Variants in IRS1 observed in about 807,000 individuals in gnomAD.
The protein encoded by IRS1 is insulin receptor substrate 1.
In IRS1, 34 loss-of-function variants were observed where a neutral mutation model predicts 65.6. That is an observed-to-expected ratio of 0.52 (90% CI 0.39 to 0.69). The LOEUF is 0.69. Ranked by LOEUF, IRS1 falls within the 30% of genes least tolerant of loss-of-function variation. The pLI, the probability that IRS1 is intolerant of heterozygous loss-of-function variation, is 0.00. For missense variants in IRS1, 1,641 were observed against 1,720.2 expected (o/e 0.95, Z 0.81); for synonymous variants, 699 against 683.5 (o/e 1.02, Z -0.35).
At chr2:226,738,378 G>C (rs1938370923) in intron 1 of IRS1, among the ~76,000 whole-genome samples, 1 of 152,070 alleles carries the variant, frequency 6.6e-6, no homozygotes, top group Admixed American at 6.5e-5. Flanking sequence ...ATTACGCAAT[G>C]GTTTTCTGAT....
At position 226,784,044 on chromosome 2, in the gene IRS1, A is replaced by G. The variant is rs532228300; in HGVS notation, c.*21+10945T>C. On this transcript the variant is annotated intron_variant, in intron 1 of 1. Transcript: ENST00000305123. Reference sequence around the variant, plus strand: ...CAACTAGCCCCCAGTCAATCCTCCAACTGACTGAACCACTGCATTCACCCT... The same window carrying G: ...CAACTAGCCCCCAGTCAATCCTCCAGCTGACTGAACCACTGCATTCACCCT... Among the ~76,000 whole-genome samples, 6 of 151,996 alleles carry G rather than the reference A, an allele frequency of 3.9e-5. No individual in the cohort carries two copies. In the East Asian group the frequency reaches 1.2e-3, roughly 30 times the overall value.
At chr2:226,777,164 C>T (rs73992211) in intron 1 of IRS1, among the ~76,000 whole-genome samples, 12,197 of 152,150 alleles carry the variant, frequency 0.08, 832 homozygotes, top group African/African-American at 0.19. Flanking sequence ...CTTTAGTTAA[C>T]AATAATGTGT....
intron 1 of IRS1, among the ~76,000 whole-genome samples, chr2:226,793,342 C>G (rs764332660): frequency 1.1e-4 from 16 of 152,164 alleles, no homozygotes; most frequent in Non-Finnish European, 2.2e-4. Context: ...CTTTATAATA[C>G]AAATGCTTAA....
At chr2:226,749,074 A>T (rs956733528) in intron 1 of IRS1, among the ~76,000 whole-genome samples, 1 of 152,218 alleles carries the variant, frequency 6.6e-6, no homozygotes, top group African/African-American at 2.4e-5. Context: ...GGGAGCCACA[A>T]AATTTCACCT....
rs104893642 is a variant in IRS1, at chr2:226,796,916, G to C, written c.1823C>G (p.Thr608Arg). The C allele has an allele frequency of 3.9e-6, 6 of 1,545,472 alleles. No individual in the cohort carries two copies. In the African/African-American group the frequency reaches 6.8e-5, roughly 18 times the overall value. ...HHRPDSSTLH[T>R]DDGYMPMSPG... ...GGACATGGGCATGTAGCCATCATCCGTGTGGAGGGTGGAGCTGTCTGGGCG... is the reference window on the plus strand; with the variant it reads ...GGACATGGGCATGTAGCCATCATCCCTGTGGAGGGTGGAGCTGTCTGGGCG... Residue 608 changes from threonine to arginine, a missense_variant, in exon 1 of 2, where the codon ACG (threonine) becomes AGG (arginine). Coordinates refer to ENST00000305123, the MANE Select transcript of IRS1 (RefSeq NM_005544.3).
At chr2:226,764,581 A>C (rs1938991378) in intron 1 of IRS1, among the ~76,000 whole-genome samples, 2 of 152,220 alleles carry the variant, frequency 1.3e-5, no homozygotes, top group African/African-American at 4.8e-5. Flanking sequence ...GAGACTTTTA[A>C]AATTGTCATG....
chr2:226,747,034 CCTGCCTCTG>C (rs1282751743), intron 1 of IRS1, among the ~76,000 whole-genome samples: 2 of 152,010 alleles, frequency 1.3e-5, no homozygotes, highest in African/African-American at 4.8e-5. Flanking sequence ...AGGTGATCCA[CCTGCCTCTG>C]CCTCCCAAAG....
At chr2:226,766,833 T>C (rs1225384807) in intron 1 of IRS1, among the ~76,000 whole-genome samples, 1 of 152,154 alleles carries the variant, frequency 6.6e-6, no homozygotes, top group Admixed American at 6.5e-5. Flanking sequence ...CACCATTCCA[T>C]ATGGTAGGAT....
At chr2:226,770,011 G>GAAA (rs35168801) in intron 1 of IRS1, among the ~76,000 whole-genome samples, 2 of 150,328 alleles carry the variant, frequency 1.3e-5, no homozygotes, top group African/African-American at 4.9e-5. Context: ...ATAGGAGGTT[G>GAAA]AAAAAAAAAG....
intron 1 of IRS1, among the ~76,000 whole-genome samples, chr2:226,765,466 C>G (rs760908770): frequency 5.3e-5 from 8 of 152,186 alleles, no homozygotes; most frequent in Non-Finnish European, 7.4e-5. Context: ...GCCAGGAAGA[C>G]TTTTTATCGG....
chr2:226,752,602 T>TA (rs1265714596), intron 1 of IRS1, among the ~76,000 whole-genome samples: 1 of 152,236 alleles, frequency 6.6e-6, no homozygotes, highest in Non-Finnish European at 1.5e-5. Flanking sequence ...TGGCCAGAGA[T>TA]ACTTCCCAAG....
Position 226,799,393 on chromosome 2 carries a change from C to T in IRS1, c.-655G>A, listed in dbSNP as rs1574668716. The T allele has an allele frequency of 7.9e-7, 1 of 1,264,526 alleles. No homozygotes were observed. 78.3% of individuals were successfully genotyped at this position (1,264,526 alleles called of 1,614,324 possible). ...CTGCTGCTGCTGCTGCTGCTGCTGC[C>T]GCCGCCCGCGGGCGCGTCCTCTGCA... On this transcript the variant is annotated 5_prime_UTR_variant, in exon 1 of 2. Transcript: ENST00000305123. This position sits in a 1 kb window ranked among gnomAD's most constrained non-coding sequence, Gnocchi z 6.1.
In IRS1 at chr2:226,797,850, C is replaced by T. The variant is rs1389712816; in HGVS notation, c.889G>A (p.Val297Met). 6.3e-7 allele frequency: 1 copy of T among 1,599,804 alleles called. No individual in the cohort carries two copies. The highest frequency in any genetic ancestry group is 8.5e-7 in the Non-Finnish European group (1 of 1,175,022). The change falls in exon 1 of 2, where the codon GTG (valine) becomes ATG (methionine). Residue 297 changes from valine to methionine, a missense_variant. Physicochemically the swap from Val to Met is conservative, Grantham distance 21. This residue lies in a region of IRS1 where 1,324 missense variants were observed against 1,361.0 expected (regional missense o/e 0.97). Transcript: ENST00000305123. This position sits in a 1 kb window ranked among gnomAD's most constrained non-coding sequence, Gnocchi z 8.1. ...GTGCGTGATCGGCGGGTCAGCCCCACCTGGCTGGGCGGGGGATTGTTGAGA... is the reference window on the plus strand; with the variant it reads ...GTGCGTGATCGGCGGGTCAGCCCCATCTGGCTGGGCGGGGGATTGTTGAGA... Reference protein sequence around the residue: ...HHLNNPPPSQVGLTRRSRTES... With the variant: ...HHLNNPPPSQMGLTRRSRTES...
chr2:226,751,148 T>A (rs1364684385), intron 1 of IRS1, among the ~76,000 whole-genome samples: 1 of 152,028 alleles, frequency 6.6e-6, no homozygotes, highest in African/African-American at 2.4e-5. Context: ...CTAGAAGAGT[T>A]AACTAGAGAA....
chr2:226,782,116 A>AG (rs1262634027), intron 1 of IRS1, among the ~76,000 whole-genome samples: 5 of 152,038 alleles, frequency 3.3e-5, no homozygotes, highest in Admixed American at 3.3e-4. Flanking sequence ...GGAATTGGGA[A>AG]GGGGGGCAGA....
intron 1 of IRS1, among the ~76,000 whole-genome samples, chr2:226,760,098 C>T (rs1938885604): frequency 1.3e-5 from 2 of 152,060 alleles, no homozygotes; most frequent in African/African-American, 4.8e-5. Context: ...ATCGCTTAAG[C>T]CCAGGAGGTT....
At chr2:226,745,916 G>GA (rs1180960901) in intron 1 of IRS1, among the ~76,000 whole-genome samples, 1 of 152,152 alleles carries the variant, frequency 6.6e-6, no homozygotes, top group African/African-American at 2.4e-5. Flanking sequence ...GGAGGAAGGG[G>GA]AAAATGCCAG....
intron 1 of IRS1, among the ~76,000 whole-genome samples, chr2:226,769,878 G>A (rs948455343): frequency 2.0e-5 from 3 of 152,020 alleles, no homozygotes; most frequent in Admixed American, 1.3e-4. Context: ...GCCATTGATC[G>A]CCTTACTGCC....
rs184524314 is a variant in IRS1, at chr2:226,782,843, A to T, written c.*21+12146T>A. 1.7e-3 allele frequency among the ~76,000 whole-genome samples: 257 copies of T among 152,314 alleles called. 1 individual carries two copies. Among genetic ancestry groups the T allele is most frequent in the Non-Finnish European group, 3.2e-3 (217 of 68,040 alleles). ...TGGTGAAACCCCGTCTCTACTAAAA[A>T]TACAAAAATTAGCCTGGCATGGTGG... On this transcript the variant is annotated intron_variant, in intron 1 of 1. Coordinates refer to ENST00000305123, the MANE Select transcript of IRS1 (RefSeq NM_005544.3).
Sources: gnomAD v4.1 joint callset for allele counts (sites outside exome capture counted in the v4.1 genomes callset) on GRCh38, gnomAD v4.1.1 for gene constraint, gnomAD v4.1.1 regional missense constraint, Gnocchi (gnomAD v3.1) non-coding constraint, MANE v1.5 for transcripts, NCBI Gene and HGNC (gene_info 2026-07-23, HGNC 2026-07-21) for gene names.